The following SPOCD1 variants were observed in gnomAD, a reference collection of about 807,000 sequenced individuals.
SPOCD1 encodes SPOC domain containing 1.
In SPOCD1, 64 loss-of-function variants were observed where a neutral mutation model predicts 92.2. That is an observed-to-expected ratio of 0.69 (90% CI 0.57 to 0.86). The LOEUF (loss-of-function observed/expected upper bound fraction) is 0.86, where lower values mean the gene tolerates loss of function less well. Ranked by LOEUF, SPOCD1 falls within the 40% of genes least tolerant of loss-of-function variation. SPOCD1 has a pLI of 0.00. For missense variants in SPOCD1, 1,360 were observed against 1,543.1 expected, an observed-to-expected ratio of 0.88 and a Z score of 1.99; for synonymous variants, 578 against 619.3, an observed-to-expected ratio of 0.93 and a Z score of 0.99.
intron 10 of SPOCD1, 82 bp downstream of exon 10, chr1:31,796,508 C>T: frequency 6.2e-7 from 1 of 1,609,802 alleles, no homozygotes; most frequent in Middle Eastern, 1.7e-4. Flanking sequence ...GTGACATGCC[C>T]AAGACCACAC....
At position 31,794,129 on chromosome 1, in the gene SPOCD1, C is replaced by G; in HGVS notation, c.2378G>C (p.Cys793Ser). Residue 793 changes from cysteine (C) to serine (S), a missense_variant, in exon 11 of 16, where the codon TGC becomes TCC. Cys to Ser is a moderately radical substitution (Grantham distance 112, BLOSUM62 -1). Coordinates refer to ENST00000360482, the MANE Select transcript of SPOCD1 (RefSeq NM_144569.7). Reference protein sequence around the residue: ...HHFLDPNCHICKDWEPSNELL... With the variant: ...HHFLDPNCHISKDWEPSNELL... ...CCTCCCGTGTCCCCTCCCACCCTTGCAGATGTGGCAGTTGGGGTCTAAGAA... is the reference window on the plus strand; with the variant it reads ...CCTCCCGTGTCCCCTCCCACCCTTGGAGATGTGGCAGTTGGGGTCTAAGAA... 6.2e-7 allele frequency: 1 copy of G among 1,613,086 alleles called. No homozygotes were observed. Among genetic ancestry groups the G allele is most frequent in the Non-Finnish European group, 8.5e-7 (1 of 1,179,230 alleles).
At chr1:31,796,740 T>G in intron 9 of SPOCD1, 25 bp from the exon 10 acceptor site, 1 of 1,613,994 alleles carries the variant, frequency 6.2e-7, no homozygotes, top group Non-Finnish European at 8.5e-7. Context: ...CAGGCCAAGC[T>G]GAGCCCAGTT....
Position 31,801,663 on chromosome 1 carries a change from C to T in SPOCD1, c.1425+1G>A, listed in dbSNP as rs565382616. On this transcript the variant is annotated splice_donor_variant, in intron 3 of 15. Coordinates refer to ENST00000360482, the MANE Select transcript of SPOCD1 (RefSeq NM_144569.7). LOFTEE classifies it high-confidence loss of function. Reference sequence around the variant, plus strand: ...AGCAATAATAAAATGTAAAAACCTACGTAGCACACAAGCTTCACTCCATGG... The same window carrying T: ...AGCAATAATAAAATGTAAAAACCTATGTAGCACACAAGCTTCACTCCATGG... 2.3e-5 allele frequency: 37 copies of T among 1,613,620 alleles called. No homozygotes were observed. Among genetic ancestry groups the T allele is most frequent in the Middle Eastern group, 1.7e-4 (1 of 6,060 alleles).
chr1:31,815,183 C>T lies in SPOCD1; in HGVS notation c.151G>A (p.Val51Ile), dbSNP rs1326905451. The change falls in exon 2 of 16, where the codon GTC (valine) becomes ATC (isoleucine). Residue 51 changes from valine to isoleucine, a missense_variant. By Grantham distance (29) the Val-to-Ile change is conservative. Transcript: ENST00000360482. ...ATCTTCCTTCTGCTGCCAGCCCTGA[C>T]TCCGGGCCCAGAGCTTGCTCCCGGC... ...DGPGASSGPG[V>I]RAGSRRKIPR... The T allele has an allele frequency of 1.9e-6, 3 of 1,607,962 alleles. No individual in the cohort carries two copies. The highest frequency in any genetic ancestry group is 1.1e-5 in the South Asian group (1 of 90,978).
rs201221281 is a variant in SPOCD1, at chr1:31,796,755, G to T, written c.2146-40C>A. The stretch of plus-strand genomic sequence containing the variant: ...CAGGCCAAGCTGAGCCCAGTTAGGG[G>T]GCCTCTGGCCATCAAAAGCCCAAGT... On this transcript the variant is annotated intron_variant, in intron 9 of 15. Coordinates refer to ENST00000360482, the MANE Select transcript of SPOCD1 (RefSeq NM_144569.7). The T allele has an allele frequency of 5.0e-5, 81 of 1,612,470 alleles. 1 individual carries two copies. In the East Asian group the frequency reaches 1.8e-3, roughly 35 times the overall value.
intron 12 of SPOCD1, 63 bp from the exon 13 acceptor site, chr1:31,793,491 C>T: frequency 1.3e-6 from 2 of 1,540,980 alleles, no homozygotes; most frequent in Non-Finnish European, 8.8e-7. Context: ...CCCGGCACCT[C>T]CTTTCTTTTC....
intron 2 of SPOCD1, among the ~76,000 whole-genome samples, chr1:31,804,918 T>G (rs1415012762): frequency 2.0e-5 from 3 of 151,960 alleles, no homozygotes; most frequent in Non-Finnish European, 2.9e-5. Flanking sequence ...AGACAAAGAT[T>G]GTAACTACCT....
At chr1:31,796,892 G>A (rs1006733464) in intron 9 of SPOCD1, among the ~76,000 whole-genome samples, 177 bp from the exon 10 acceptor site, 5 of 151,988 alleles carry the variant, frequency 3.3e-5, no homozygotes, top group East Asian at 1.9e-4. Context: ...CTACCTCTCC[G>A]TATTCCACTG....
At chr1:31,799,768 A>G (rs1219096616) in intron 6 of SPOCD1, 41 bp downstream of exon 6, 1 of 1,607,400 alleles carries the variant, frequency 6.2e-7, no homozygotes, top group South Asian at 1.1e-5. Flanking sequence ...AGACCCCAGC[A>G]GTCTCTGGAA....
At chr1:31,796,092 T>C (rs1647993351) in intron 10 of SPOCD1, 2 of 245,780 alleles carry the variant, frequency 8.1e-6, no homozygotes, top group Non-Finnish European at 1.6e-5. Flanking sequence ...CCCTAGACTA[T>C]TGTCACTCCC....
intron 2 of SPOCD1, among the ~76,000 whole-genome samples, chr1:31,803,349 A>C (rs1648586706): frequency 6.6e-6 from 1 of 152,248 alleles, no homozygotes; most frequent in African/African-American, 2.4e-5. Context: ...TAAAAACTCA[A>C]TATATAGATT....
At position 31,790,514 on chromosome 1, in the gene SPOCD1, C is replaced by T. The variant is rs1045652845; in HGVS notation, c.*89G>A. ...AACAGGGCAGGTGGGTAGGGCTGAC[C>T]ATCCTCTCCTTGCAGTCCCACCTCT... On this transcript the variant is annotated 3_prime_UTR_variant, in exon 16 of 16. Transcript: ENST00000360482. The T allele has an allele frequency of 2.5e-6, 3 of 1,221,448 alleles. No individual in the cohort carries two copies. The African/African-American group carries it at 4.6e-5, about 19-fold the overall frequency. The allele number at this position is 1,221,448 out of a possible 1,614,324, so 75.7% of individuals were successfully genotyped here. A position where few individuals can be genotyped will look rare whatever the true frequency, so the allele number is the denominator to read the frequency against.
chr1:31,797,630 G>C (rs980985939), intron 9 of SPOCD1, among the ~76,000 whole-genome samples: 11 of 152,186 alleles, frequency 7.2e-5, no homozygotes, highest in African/African-American at 2.7e-4. Context: ...CATCCCAGTG[G>C]CCTCAGCCCC....
Position 31,792,369 on chromosome 1 carries a change from C to T in SPOCD1, c.2808G>A (p.Gly936=). ...GGCGGCAGTTCTGGGTGTCCCGGGC[C>T]CCATGTGGGCACAGTCTGACCACGC... The part of the protein sequence containing the change: ...DVCVVRLCPH[G]ARDTQNCRLL... Residue 936 remains glycine, a synonymous_variant, in exon 15 of 16, where the codon GGG becomes GGA. Transcript: ENST00000360482. 2 of 1,613,842 alleles carry T rather than the reference C, an allele frequency of 1.2e-6. No homozygotes were observed. Among genetic ancestry groups the T allele is most frequent in the Non-Finnish European group, 1.7e-6 (2 of 1,180,014 alleles).
In SPOCD1 at chr1:31,791,106, G is replaced by A. The variant is rs763748836; in HGVS notation, c.3148C>T (p.Pro1050Ser). ...GGCACATTCGGCCTCCTGTCATCTG[G>A]CTGATAGTATCTCTTCTCCACCTTA... ...NSKVEKRYYQ[P>S]DDRRPNVPLK... Residue 1050 changes from proline (P) to serine (S), a missense_variant, in exon 16 of 16, where the codon CCA becomes TCA. By Grantham distance (74) the Pro-to-Ser change is moderately conservative. This residue lies in a region of SPOCD1 where 614 missense variants were observed against 757.8 expected (regional missense o/e 0.81). Transcript: ENST00000360482. The A allele has an allele frequency of 4.3e-6, 7 of 1,613,058 alleles. No individual in the cohort carries two copies. The highest frequency in any genetic ancestry group is 2.2e-5 in the East Asian group (1 of 44,882).
chr1:31,804,318 G>C (rs568888376), intron 2 of SPOCD1, among the ~76,000 whole-genome samples: 1 of 152,240 alleles, frequency 6.6e-6, no homozygotes, highest in African/African-American at 2.4e-5. Context: ...CACACAGCTA[G>C]AAAACCAAAG....
At chr1:31,806,680 G>A (rs939178239) in intron 2 of SPOCD1, among the ~76,000 whole-genome samples, 2 of 151,762 alleles carry the variant, frequency 1.3e-5, no homozygotes, top group African/African-American at 2.4e-5. Flanking sequence ...TGAGTGGCTT[G>A]GATTACAGGT....
intron 2 of SPOCD1, among the ~76,000 whole-genome samples, chr1:31,808,497 T>C (rs752794668): frequency 5.3e-5 from 8 of 150,442 alleles, no homozygotes; most frequent in Non-Finnish European, 1.2e-4. Context: ...ATAATTATAA[T>C]AATAATTATA....
rs777839764 is a variant in SPOCD1 at position 31,793,261 on chromosome 1, G to A, written c.2685+17C>T. 42 of 1,579,908 alleles carry A rather than the reference G, an allele frequency of 2.7e-5. No individual in the cohort carries two copies. Among genetic ancestry groups the A allele is most frequent in the Middle Eastern group, 2.1e-4 (1 of 4,766 alleles). On this transcript the variant is annotated intron_variant, in intron 13 of 15. Transcript: ENST00000360482. The stretch of plus-strand genomic sequence containing the variant: ...GTCAGTGTGTAAGGGAATCCCTGGC[G>A]AGGAGGGCAGGTGCACCTGGACAAG...
Sources: gnomAD v4.1 joint callset for allele counts (sites outside exome capture counted in the v4.1 genomes callset) on GRCh38, gnomAD v4.1.1 for gene constraint, gnomAD v4.1.1 regional missense constraint, MANE v1.5 for transcripts, NCBI Gene and HGNC (gene_info 2026-07-23, HGNC 2026-07-21) for gene names.